OCLN: variants seen among roughly 807,000 people sequenced by gnomAD.
The protein encoded by OCLN is occludin.
A neutral mutation model predicts 47.9 loss-of-function variants in OCLN; 21 were observed. The ratio of observed to expected loss-of-function variants is 0.44; its 90% confidence interval spans 0.31 to 0.63. OCLN has a LOEUF of 0.63. Among genes scored for constraint, OCLN ranks in the 30% least tolerant of loss-of-function variants. The probability of loss-of-function intolerance (pLI) is 0.08; values close to 1 mark genes in which losing one functional copy is unlikely to be tolerated. For synonymous variants in OCLN, 117 were observed against 198.4 expected, an observed-to-expected ratio of 0.59 and a Z score of 3.45; for missense variants, 360 against 571.0, an observed-to-expected ratio of 0.63 and a Z score of 3.77.
At chr5:69,521,085 C>T (rs1221347029) in intron 4 of OCLN, among the ~76,000 whole-genome samples, 9 of 152,258 alleles carry the variant, frequency 5.9e-5, no homozygotes, top group Admixed American at 4.6e-4. Context: ...GATCCACCCG[C>T]GTCGGCCTCC....
At chr5:69,519,280 AGGAT>A (rs1339541897) in intron 4 of OCLN, among the ~76,000 whole-genome samples, 1 of 152,218 alleles carries the variant, frequency 6.6e-6, no homozygotes, top group Non-Finnish European at 1.5e-5. Flanking sequence ...TAGCATCTTC[AGGAT>A]TATAACACGC....
chr5:69,503,026 C>G (rs903672980), intron 1 of OCLN, among the ~76,000 whole-genome samples: 1 of 152,232 alleles, frequency 6.6e-6, no homozygotes, highest in Non-Finnish European at 1.5e-5. Context: ...CTTCACATCT[C>G]TTTCTGACCC....
chr5:69,509,477 A>C lies in OCLN; in HGVS notation c.387A>C (p.Gly129=). 6.2e-7 allele frequency: 1 copy of C among 1,614,140 alleles called. No individual in the cohort carries two copies. The highest frequency in any genetic ancestry group is 8.5e-7 in the Non-Finnish European group (1 of 1,180,008). Residue 129 remains glycine, a synonymous_variant, in exon 3 of 9, where the codon GGA becomes GGC. Coordinates refer to ENST00000396442, the MANE Select transcript of OCLN (RefSeq NM_001205254.2). The part of the protein sequence containing the change: ...GYGYGYGYGY[G]GYTDPRAAKG... ...GCTATGGTTATGGCTATGGCTACGG[A>C]GGCTATACAGACCCAAGAGCAGCAA...
At position 69,534,942 on chromosome 5, in the gene OCLN, C is replaced by T. The variant is rs1159927007; in HGVS notation, c.1037+103C>T. On this transcript the variant is annotated intron_variant, in intron 5 of 8. Transcript: ENST00000396442. The stretch of plus-strand genomic sequence containing the variant: ...TGCTTAAAAAAAATATCCAGCAGTG[C>T]ACACAAAAGCTGGATCTGGATCTTG... 9.3e-6 allele frequency: 11 copies of T among 1,176,556 alleles called. 1 individual carries two copies. Among genetic ancestry groups the T allele is most frequent in the Admixed American group, 9.0e-5 (5 of 55,630 alleles). The allele number at this position is 1,176,556 out of a possible 1,614,324, so 72.9% of individuals were successfully genotyped here. A position where few individuals can be genotyped will look rare whatever the true frequency, so the allele number is the denominator to read the frequency against.
chr5:69,510,084 T>C (rs1447674511), intron 3 of OCLN, among the ~76,000 whole-genome samples: 1 of 152,198 alleles, frequency 6.6e-6, no homozygotes, highest in East Asian at 1.9e-4. Context: ...ACATTTTCAC[T>C]ATCCTAAAAA....
chr5:69,513,322 G>GT (rs1184760765), intron 3 of OCLN, among the ~76,000 whole-genome samples: 1 of 152,150 alleles, frequency 6.6e-6, no homozygotes, highest in Admixed American at 6.5e-5. Flanking sequence ...CTTTCTAGTA[G>GT]TATGCAAGAC....
chr5:69,507,461 T>G (rs930128970), intron 2 of OCLN, among the ~76,000 whole-genome samples: 1 of 152,186 alleles, frequency 6.6e-6, no homozygotes, highest in Non-Finnish European at 1.5e-5. Context: ...TATGTAAATA[T>G]AATAATGCGA....
At chr5:69,515,411 AC>A (rs1426606938) in intron 4 of OCLN, among the ~76,000 whole-genome samples, 1 of 132,344 alleles carries the variant, frequency 7.6e-6, no homozygotes. Flanking sequence ...CAGGGGGCTG[AC>A]CCCCCTACCT....
At chr5:69,522,668 C>T (rs750261236) in intron 4 of OCLN, among the ~76,000 whole-genome samples, 2 of 152,012 alleles carry the variant, frequency 1.3e-5, no homozygotes, top group South Asian at 4.1e-4. Context: ...AATAGATTTA[C>T]AGAAAAGTTG....
intron 1 of OCLN, among the ~76,000 whole-genome samples, chr5:69,503,540 G>C (rs1040549550): frequency 1.3e-5 from 2 of 152,190 alleles, no homozygotes; most frequent in African/African-American, 4.8e-5. Flanking sequence ...CACTCCCACA[G>C]GCTCTCCTGG....
intron 3 of OCLN, 44 bp from the exon 4 acceptor site, chr5:69,513,904 G>A: frequency 6.7e-7 from 1 of 1,499,682 alleles, no homozygotes; most frequent in African/African-American, 1.4e-5. Context: ...TTGTGATTAA[G>A]CAATTAAAAT....
chr5:69,498,598 T>C (rs759103245), intron 1 of OCLN, among the ~76,000 whole-genome samples: 3 of 152,198 alleles, frequency 2.0e-5, no homozygotes, highest in Non-Finnish European at 4.4e-5. Flanking sequence ...ACCCCCATGA[T>C]ACTAAAATCT....
At chr5:69,504,696 G>A (rs1768548433) in intron 2 of OCLN, among the ~76,000 whole-genome samples, 1 of 152,194 alleles carries the variant, frequency 6.6e-6, no homozygotes, top group South Asian at 2.1e-4. Flanking sequence ...CAGCACCTTG[G>A]GAGGCCGAGG....
chr5:69,515,545 C>T (rs1580562788), intron 4 of OCLN, among the ~76,000 whole-genome samples: 2 of 149,136 alleles, frequency 1.3e-5, no homozygotes, highest in South Asian at 2.1e-4. Flanking sequence ...CTGACCCCCC[C>T]CCACCTCCCT....
intron 5 of OCLN, among the ~76,000 whole-genome samples, chr5:69,535,801 A>G (rs1200314012): frequency 6.6e-6 from 1 of 151,650 alleles, no homozygotes; most frequent in Non-Finnish European, 1.5e-5. Context: ...TCTAAACACA[A>G]AAAAGGTACA....
At chr5:69,549,936 A>C (rs1369604608) in intron 7 of OCLN, among the ~76,000 whole-genome samples, 1 of 150,698 alleles carries the variant, frequency 6.6e-6, no homozygotes, top group African/African-American at 2.4e-5. Flanking sequence ...ACAAACAAAA[A>C]AACTTCCTTG....
Position 69,513,547 on chromosome 5 carries a change from A to G in OCLN, c.730-401A>G, listed in dbSNP as rs143518255. ...AGCTGTGAATACTTTTGAGAGTAGC[A>G]TTTTTCAGGCCCTTTAGAAGTATAC... On this transcript the variant is annotated intron_variant, in intron 3 of 8. Transcript: ENST00000396442. Among the ~76,000 whole-genome samples the G allele has an allele frequency of 6.5e-4, 99 of 152,316 alleles. 1 individual carries two copies. Among genetic ancestry groups the G allele is most frequent in the Middle Eastern group, 3.4e-3 (1 of 294 alleles).
chr5:69,533,505 T>A (rs1769506109), intron 4 of OCLN, among the ~76,000 whole-genome samples: 1 of 152,132 alleles, frequency 6.6e-6, no homozygotes, highest in Admixed American at 6.5e-5. Flanking sequence ...CATTGTTAGA[T>A]TACGCGGTTT....
At position 69,534,932 on chromosome 5, in the gene OCLN, T is replaced by C. The variant is rs1580586793; in HGVS notation, c.1037+93T>C. 16 of 1,420,030 alleles carry C rather than the reference T, an allele frequency of 1.1e-5. No individual in the cohort carries two copies. The East Asian group carries it at 3.4e-4, about 30-fold the overall frequency. The allele number at this position is 1,420,030 out of a possible 1,614,324, so 88.0% of individuals were successfully genotyped here. On this transcript the variant is annotated intron_variant, in intron 5 of 8. Transcript: ENST00000396442. ...TGTGCCTTTCTGCTTAAAAAAAATA[T>C]CCAGCAGTGCACACAAAAGCTGGAT...
Sources: gnomAD v4.1 joint callset for allele counts (sites outside exome capture counted in the v4.1 genomes callset) on GRCh38, gnomAD v4.1.1 for gene constraint, MANE v1.5 for transcripts, NCBI Gene and HGNC (gene_info 2026-07-23, HGNC 2026-07-21) for gene names.